Variants in KLHL29 observed in about 807,000 individuals in gnomAD.
KLHL29 encodes kelch like family member 29, also known as kelch-like protein 29.
Under a neutral mutation model 80.4 loss-of-function variants are expected in KLHL29, and 21 were observed. The observed-to-expected ratio is 0.26, with a 90% CI of 0.19 to 0.38. The LOEUF (loss-of-function observed/expected upper bound fraction) is 0.38. KLHL29 is among the 10% of genes least tolerant of loss of function. The probability of loss-of-function intolerance (pLI) is 1.00; values close to 1 mark genes in which losing one functional copy is unlikely to be tolerated. For missense variants in KLHL29, 867 were observed against 1,223.9 expected (o/e 0.71, Z 4.35); for synonymous variants, 511 against 526.8 (o/e 0.97, Z 0.41).
chr2:23,618,034 G>A (rs931149590), intron 3 of KLHL29: 1 of 152,144 alleles, frequency 6.6e-6, no homozygotes, highest in African/African-American at 2.4e-5. Context: ...TTTATTTGCT[G>A]GGGGGCGGAG....
intron 3 of KLHL29, among the ~76,000 whole-genome samples, chr2:23,583,431 G>A (rs1337809611): frequency 6.6e-6 from 1 of 152,156 alleles, no homozygotes; most frequent in Middle Eastern, 3.2e-3. Context: ...TTCTTCCTTG[G>A]TGTCGAAAAA....
rs1414152632 is a variant in KLHL29 at position 23,700,083 on chromosome 2, A to C, written c.2106-3103A>C. On this transcript the variant is annotated intron_variant, in intron 11 of 13. Coordinates refer to ENST00000486442, the MANE Select transcript of KLHL29 (RefSeq NM_052920.2). This position sits in a 1 kb window ranked among gnomAD's most constrained non-coding sequence, Gnocchi z 4.6. Reference sequence around the variant, plus strand: ...ACGTTCCCTCTGCACTTTGGATTCCATTTGCATCCACCTCCTGGAAGCCTT... The same window carrying C: ...ACGTTCCCTCTGCACTTTGGATTCCCTTTGCATCCACCTCCTGGAAGCCTT... Among the ~76,000 whole-genome samples, 1 of 152,008 alleles carries C rather than the reference A, an allele frequency of 6.6e-6. No individual in the cohort carries two copies. The highest frequency in any genetic ancestry group is 2.4e-5 in the African/African-American group (1 of 41,404).
At chr2:23,703,690 G>A (rs778254329) in intron 12 of KLHL29, 29 bp from the exon 13 acceptor site, 60 of 1,517,852 alleles carry the variant, frequency 4.0e-5, no homozygotes, top group South Asian at 6.1e-5. Context: ...ACAAGCTGCC[G>A]TGACCTGCCT....
chr2:23,695,398 C>T lies in KLHL29; in HGVS notation c.1543-225C>T, dbSNP rs948770867. Reference sequence around the variant, plus strand: ...CCACTCCTGCAGGGCTGGCTGCAGCCTGCCAGCCTCCCCTCCGCACCCCTG... The same window carrying T: ...CCACTCCTGCAGGGCTGGCTGCAGCTTGCCAGCCTCCCCTCCGCACCCCTG... On this transcript the variant is annotated intron_variant, in intron 8 of 13. Coordinates refer to ENST00000486442, the MANE Select transcript of KLHL29 (RefSeq NM_052920.2). The surrounding 1 kb of genome is among the most constrained non-coding windows in gnomAD (Gnocchi z 7.6). Among the ~76,000 whole-genome samples, 3 of 152,132 alleles carry T rather than the reference C, an allele frequency of 2.0e-5. No individual in the cohort carries two copies. Among genetic ancestry groups the T allele is most frequent in the Admixed American group, 6.5e-5 (1 of 15,282 alleles).
chr2:23,615,183 G>A (rs763560518), intron 3 of KLHL29, among the ~76,000 whole-genome samples: 4 of 152,200 alleles, frequency 2.6e-5, no homozygotes, highest in African/African-American at 7.2e-5. Flanking sequence ...CCTGGGCTTC[G>A]GCTTATCCTC....
chr2:23,573,903 C>G (rs1007313746), intron 3 of KLHL29, among the ~76,000 whole-genome samples: 3 of 152,208 alleles, frequency 2.0e-5, no homozygotes, highest in African/African-American at 7.2e-5. Context: ...CCCCCGCTTT[C>G]AGAGGTGTTG....
intron 2 of KLHL29, among the ~76,000 whole-genome samples, chr2:23,476,434 T>C (rs1171517625): frequency 6.6e-6 from 1 of 152,170 alleles, no homozygotes; most frequent in Non-Finnish European, 1.5e-5. Context: ...ACCATTTTAG[T>C]GTTTCTTTCC....
rs1300290679 is a variant in KLHL29 at position 23,682,107 on chromosome 2, T to G, written c.941-2292T>G. ...TCCAAAAACCTGTTAGTGGTCTCCA[T>G]GCCTCCCCCTCCCCACTTCCTTCCT... On this transcript the variant is annotated intron_variant, in intron 5 of 13. Transcript: ENST00000486442. This position sits in a 1 kb window ranked among gnomAD's most constrained non-coding sequence, Gnocchi z 4.1. Among the ~76,000 whole-genome samples, 2 of 152,236 alleles carry G rather than the reference T, an allele frequency of 1.3e-5. No individual in the cohort carries two copies. Among genetic ancestry groups the G allele is most frequent in the South Asian group, 4.1e-4 (2 of 4,820 alleles).
At chr2:23,518,233 C>T (rs1218291265) in intron 2 of KLHL29, among the ~76,000 whole-genome samples, 2 of 152,210 alleles carry the variant, frequency 1.3e-5, no homozygotes, top group Non-Finnish European at 2.9e-5. Flanking sequence ...TCCCACATGA[C>T]CCTGACGCTG....
At chr2:23,446,789 G>A (rs1558341525) in intron 1 of KLHL29, among the ~76,000 whole-genome samples, 1 of 152,126 alleles carries the variant, frequency 6.6e-6, no homozygotes, top group Non-Finnish European at 1.5e-5. Flanking sequence ...TAAATTATGT[G>A]CATCTTTGCA....
chr2:23,706,451 C>G lies in KLHL29; in HGVS notation c.2445-30C>G, dbSNP rs764530213. Reference sequence around the variant, plus strand: ...CCAGGGCCAAGTTGGAAGTGAAATGCCTAACTCTGTCCCCGCTTTCCCCCA... The same window carrying G: ...CCAGGGCCAAGTTGGAAGTGAAATGGCTAACTCTGTCCCCGCTTTCCCCCA... On this transcript the variant is annotated intron_variant, in intron 13 of 13. Coordinates refer to ENST00000486442, the MANE Select transcript of KLHL29 (RefSeq NM_052920.2). 130 of 1,436,066 alleles carry G rather than the reference C, an allele frequency of 9.1e-5. No individual in the cohort carries two copies. The South Asian group carries it at 1.8e-3, about 20-fold the overall frequency. The allele number at this position is 1,436,066 out of a possible 1,614,324, so 89.0% of individuals were successfully genotyped here.
intron 1 of KLHL29, among the ~76,000 whole-genome samples, chr2:23,422,051 G>T (rs1218506597): frequency 6.6e-6 from 1 of 151,766 alleles, no homozygotes; most frequent in Non-Finnish European, 1.5e-5. Context: ...TCATGTGTTT[G>T]TGTGTCTCTG....
At position 23,468,049 on chromosome 2, in the gene KLHL29, A is replaced by G. The variant is rs551849496; in HGVS notation, c.-153-7511A>G. Among the ~76,000 whole-genome samples, 3 of 152,210 alleles carry G rather than the reference A, an allele frequency of 2.0e-5. No homozygotes were observed. In the South Asian group the frequency reaches 6.2e-4, roughly 32 times the overall value. ...GATCATTATAATGGTTATTGCTGCC[A>G]TGTGTATGTGCCATAGACTATGTTA... On this transcript the variant is annotated intron_variant, in intron 1 of 13. Transcript: ENST00000486442.
intron 1 of KLHL29, among the ~76,000 whole-genome samples, chr2:23,467,235 G>A (rs562521920): frequency 3.3e-5 from 5 of 152,204 alleles, no homozygotes; most frequent in Non-Finnish European, 7.3e-5. Context: ...GCCATCCCGC[G>A]TGTTTCTTCA....
intron 3 of KLHL29, among the ~76,000 whole-genome samples, chr2:23,634,375 A>G (rs1313516851): frequency 6.6e-6 from 1 of 152,084 alleles, no homozygotes; most frequent in African/African-American, 2.4e-5. Context: ...CTGAAAATGC[A>G]CTGGTTGCTG....
intron 3 of KLHL29, among the ~76,000 whole-genome samples, chr2:23,585,485 G>A (rs1416908253): frequency 6.6e-6 from 1 of 152,198 alleles, no homozygotes; most frequent in Admixed American, 6.5e-5. Context: ...GCATGAAGGT[G>A]AAGCTAAACA....
intron 2 of KLHL29, among the ~76,000 whole-genome samples, chr2:23,484,802 C>G (rs539390896): frequency 2.0e-5 from 3 of 152,314 alleles, no homozygotes; most frequent in African/African-American, 7.2e-5. Context: ...CTGGCCTGCA[C>G]CAGTCTCTGC....
intron 3 of KLHL29, chr2:23,616,411 T>A (rs1436996294): frequency 6.6e-6 from 1 of 152,120 alleles, no homozygotes; most frequent in Non-Finnish European, 1.5e-5. Flanking sequence ...CACGGCAATG[T>A]AAGTTAAAGA....
At position 23,493,631 on chromosome 2, in the gene KLHL29, GC is replaced by G. The variant is rs566034875; in HGVS notation, c.-46+17965del. On this transcript the variant is annotated intron_variant, in intron 2 of 13. Transcript: ENST00000486442. Reference sequence around the variant, plus strand: ...TGCTAAATCTCTGGGAGCGGGGTGGGCGTGTGTGTGTGAGTGTGTGTGTGTG... The same window carrying G: ...TGCTAAATCTCTGGGAGCGGGGTGGGGTGTGTGTGTGAGTGTGTGTGTGTG... Among the ~76,000 whole-genome samples, 664 of 152,172 alleles carry G rather than the reference GC, an allele frequency of 4.4e-3. 2 individuals are homozygous for G. The highest frequency in any genetic ancestry group is 7.7e-3 in the Non-Finnish European group (524 of 67,990).
Sources: allele counts gnomAD v4.1 joint callset (sites outside exome capture counted in the v4.1 genomes callset), GRCh38; gene constraint gnomAD v4.1.1; non-coding constraint Gnocchi (gnomAD v3.1); transcripts MANE v1.5; gene names NCBI Gene and HGNC (gene_info 2026-07-23, HGNC 2026-07-21).